SLC36A1: variants seen among roughly 807,000 people sequenced by gnomAD.
SLC36A1 encodes the protein solute carrier family 36 member 1, also known as proton-coupled amino acid transporter 1.
In SLC36A1, 30 loss-of-function variants were observed where a neutral mutation model predicts 47.5. That is an observed-to-expected ratio of 0.63 (90% confidence interval 0.47 to 0.86). The LOEUF (loss-of-function observed/expected upper bound fraction) is 0.86. Ranked by LOEUF, SLC36A1 falls within the 40% of genes least tolerant of loss-of-function variation. The pLI is 0.00. For missense variants in SLC36A1, 517 were observed against 606.0 expected (o/e 0.85, Z 1.54); for synonymous variants, 255 against 249.7 (o/e 1.02, Z -0.20).
At chr5:151,542,273 A>G in the SLC36A1 span, 1 of 1,574,886 alleles carries the variant, frequency 6.3e-7, no homozygotes, top group Non-Finnish European at 8.6e-7. Flanking sequence ...AGTCCATGAC[A>G]GGTGTTCTTA....
chr5:151,510,274 CATTT>C, the SLC36A1 span: 12 of 1,367,632 alleles, frequency 8.8e-6, no homozygotes, highest in African/African-American at 8.6e-5. Flanking sequence ...GTTCAGTTAC[CATTT>C]ATTTATTTGG....
At chr5:151,514,281 CT>C in the SLC36A1 span, among the ~76,000 whole-genome samples, 1 of 152,148 alleles carries the variant, frequency 6.6e-6, no homozygotes, top group Non-Finnish European at 1.5e-5. Flanking sequence ...GAAATCATTT[CT>C]TTTTATCTGT....
At chr5:151,347,975 T>C in the SLC36A1 span, among the ~76,000 whole-genome samples, 1 of 152,186 alleles carries the variant, frequency 6.6e-6, no homozygotes, top group Non-Finnish European at 1.5e-5. Context: ...AACCTATTTC[T>C]GTCTCCAAGA....
intron 6 of SLC36A1, 37 bp downstream of exon 6, chr5:151,467,320 ACC>A (rs756733937): frequency 9.2e-5 from 90 of 975,916 alleles, no homozygotes; most frequent in South Asian, 3.6e-4. Flanking sequence ...AAAAAAAAAA[ACC>A]AGAGCGAGAA....
intron 8 of SLC36A1, among the ~76,000 whole-genome samples, chr5:151,476,155 C>A (rs1417563410): frequency 6.6e-6 from 1 of 152,260 alleles, no homozygotes; most frequent in African/African-American, 2.4e-5. Flanking sequence ...GCTAGAGTGG[C>A]AGTTTTCCCT....
At chr5:151,548,054 A>G in the SLC36A1 span, among the ~76,000 whole-genome samples, 1 of 152,220 alleles carries the variant, frequency 6.6e-6, no homozygotes, top group African/African-American at 2.4e-5. Context: ...TCATTTCATA[A>G]ATCACAAAAA....
the SLC36A1 span, chr5:151,507,419 T>C: frequency 6.2e-7 from 1 of 1,614,162 alleles, no homozygotes; most frequent in Non-Finnish European, 8.5e-7. Context: ...CCAGGAGGTC[T>C]GGGTCCTCCA....
the SLC36A1 span, chr5:151,534,446 G>A: frequency 1.2e-6 from 2 of 1,613,320 alleles, no homozygotes; most frequent in African/African-American, 1.3e-5. Flanking sequence ...CAGCCACAGG[G>A]GTCTTCACTG....
At chr5:151,470,036 GCAGATATTGACTCTTCTGCAGAA>G (rs1757098185) in intron 7 of SLC36A1, among the ~76,000 whole-genome samples, 2 of 152,224 alleles carry the variant, frequency 1.3e-5, no homozygotes, top group Non-Finnish European at 2.9e-5. Flanking sequence ...CAGATGAGTG[GCAGATATTGACTCTTCTGCAGAA>G]CTATTTTTTT....
chr5:151,344,917 C>T, the SLC36A1 span, among the ~76,000 whole-genome samples: 1 of 152,026 alleles, frequency 6.6e-6, no homozygotes, highest in African/African-American at 2.4e-5. Flanking sequence ...TGACTGGGTC[C>T]CCAGATGAGG....
the SLC36A1 span, chr5:151,545,764 T>C: frequency 6.2e-7 from 1 of 1,614,110 alleles, no homozygotes; most frequent in Non-Finnish European, 8.5e-7. Context: ...GTCAGAGGCA[T>C]GAATCACAAA....
rs1164910182 is a variant in SLC36A1 at position 151,458,009 on chromosome 5, C to T, written c.-5-779C>T. 4.6e-5 allele frequency among the ~76,000 whole-genome samples: 7 copies of T among 151,880 alleles called. No homozygotes were observed. The East Asian group carries it at 5.8e-4, about 13-fold the overall frequency. On this transcript the variant is annotated intron_variant, in intron 1 of 10. Coordinates refer to ENST00000243389, the MANE Select transcript of SLC36A1 (RefSeq NM_078483.4). Reference sequence around the variant, plus strand: ...GATTACAGGCATGCACCACCACGCCCGGCTAATTTTGTATTTTTAGTAGAG... The same window carrying T: ...GATTACAGGCATGCACCACCACGCCTGGCTAATTTTGTATTTTTAGTAGAG...
chr5:151,354,221 G>A, the SLC36A1 span, among the ~76,000 whole-genome samples: 3,555 of 152,204 alleles, frequency 0.023, 128 homozygotes, highest in African/African-American at 0.076. Flanking sequence ...GGAGAATCAC[G>A]TGAACCTGGG....
the SLC36A1 span, among the ~76,000 whole-genome samples, chr5:151,359,565 T>A: frequency 6.6e-6 from 1 of 152,244 alleles, no homozygotes; most frequent in Admixed American, 6.5e-5. Flanking sequence ...TGAGTAAATT[T>A]ATAATTGTGC....
At chr5:151,385,009 A>AGAGAGAGAGTGTGTGTGTGT in the SLC36A1 span, among the ~76,000 whole-genome samples, 717 of 128,418 alleles carry the variant, frequency 5.6e-3, 2 homozygotes, top group Non-Finnish European at 8.8e-3. Context: ...AGAGAGAGAG[A>AGAGAGAGAGTGTGTGTGTGT]GTGTGTGTGT....
intron 9 of SLC36A1, among the ~76,000 whole-genome samples, chr5:151,478,706 A>G (rs1272775241): frequency 6.6e-6 from 1 of 152,188 alleles, no homozygotes; most frequent in Non-Finnish European, 1.5e-5. Context: ...CTAGTTCCCA[A>G]TTTTACAATT....
At chr5:151,476,964 TGCTGATCAGCCGATGGGTAA>T in intron 9 of SLC36A1, 4 of 707,238 alleles carry the variant, frequency 5.7e-6, no homozygotes, top group Non-Finnish European at 1.0e-5. Flanking sequence ...AAGCCATTGG[TGCTGATCAGCCGATGGGTAA>T]GCCATTTCTC....
intron 10 of SLC36A1, among the ~76,000 whole-genome samples, chr5:151,480,325 C>T (rs1758640251): frequency 6.6e-6 from 1 of 151,992 alleles, no homozygotes; most frequent in African/African-American, 2.4e-5. Context: ...TGAACAAGAA[C>T]CTCTTTGCTT....
At chr5:151,531,033 GC>G in the SLC36A1 span, among the ~76,000 whole-genome samples, 1 of 152,212 alleles carries the variant, frequency 6.6e-6, no homozygotes, top group Non-Finnish European at 1.5e-5. This position sits in a 1 kb window ranked among gnomAD's most constrained non-coding sequence, Gnocchi z 5.7. Context: ...GGCCTCTGAG[GC>G]CCTTCGGTGA....
Sources: allele counts gnomAD v4.1 joint callset (sites outside exome capture counted in the v4.1 genomes callset), GRCh38; gene constraint gnomAD v4.1.1; non-coding constraint Gnocchi (gnomAD v3.1); transcripts MANE v1.5; gene names NCBI Gene and HGNC (gene_info 2026-07-23, HGNC 2026-07-21).